Variants in GRIN2D observed in about 807,000 individuals in gnomAD.
The protein encoded by GRIN2D is glutamate receptor ionotropic, NMDA 2D.
A neutral mutation model predicts 103.2 loss-of-function variants in GRIN2D; 37 were observed. That is an observed-to-expected ratio of 0.36 (90% CI 0.28 to 0.47). The LOEUF is 0.47. Among genes scored for constraint, GRIN2D ranks in the 20% least tolerant of loss-of-function variants. The pLI, the probability that GRIN2D is intolerant of heterozygous loss-of-function variation, is 1.00. For synonymous variants in GRIN2D, 845 were observed against 885.6 expected (o/e 0.95, Z 0.81); for missense variants, 1,557 against 1,910.6 (o/e 0.81, Z 3.45).
intron 2 of GRIN2D, among the ~76,000 whole-genome samples, chr19:48,395,488 C>G (rs980424788): frequency 1.8e-4 from 28 of 151,812 alleles, no homozygotes; most frequent in Non-Finnish European, 3.7e-4. Context: ...GGGGAGAGAC[C>G]GATGTTGTGT....
In GRIN2D at chr19:48,394,601, C is replaced by G. The variant is rs1174999980; in HGVS notation, c.-305-57C>G. The stretch of plus-strand genomic sequence containing the variant: ...GGCGGAGGGGGGATCCCCACGGGGT[C>G]GGGGCGGCAAGAGGACACCCCGACA... On this transcript the variant is annotated intron_variant, in intron 1 of 13. Transcript: ENST00000263269. The surrounding 1 kb of genome is among the most constrained non-coding windows in gnomAD (Gnocchi z 5.1). 1.3e-5 allele frequency among the ~76,000 whole-genome samples: 2 copies of G among 151,214 alleles called. No homozygotes were observed. Among genetic ancestry groups the G allele is most frequent in the African/African-American group, 4.9e-5 (2 of 41,072 alleles).
intron 4 of GRIN2D, among the ~76,000 whole-genome samples, chr19:48,411,555 A>G (rs1600976192): frequency 6.6e-6 from 1 of 151,922 alleles, no homozygotes; most frequent in African/African-American, 2.4e-5. Flanking sequence ...AGGCTGAGGC[A>G]GGAGAATCGC....
chr19:48,399,702 T>C (rs1035225327), intron 3 of GRIN2D, among the ~76,000 whole-genome samples: 2 of 151,814 alleles, frequency 1.3e-5, no homozygotes, highest in Non-Finnish European at 2.9e-5. Context: ...GAGCATAGGG[T>C]CTAGAAGTCA....
chr19:48,400,215 A>C (rs1264643286), intron 3 of GRIN2D, among the ~76,000 whole-genome samples: 1 of 150,996 alleles, frequency 6.6e-6, no homozygotes, highest in East Asian at 2.0e-4. Flanking sequence ...TGCTCTGTGG[A>C]TTGAGAATGG....
At chr19:48,411,281 C>T (rs1361724548) in intron 4 of GRIN2D, among the ~76,000 whole-genome samples, 8 of 151,464 alleles carry the variant, frequency 5.3e-5, no homozygotes, top group Non-Finnish European at 8.8e-5. Flanking sequence ...GCCAAGATCA[C>T]GCCATTGCAC....
At chr19:48,416,270 C>A (rs1003913256) in intron 8 of GRIN2D, 115 bp downstream of exon 8, 1 of 808,916 alleles carries the variant, frequency 1.2e-6, no homozygotes, top group South Asian at 1.7e-5. Context: ...CTTGAACCCG[C>A]TGTGCAACTT....
intron 11 of GRIN2D, among the ~76,000 whole-genome samples, chr19:48,436,172 T>C (rs2147470155): frequency 6.6e-6 from 1 of 152,290 alleles, no homozygotes; most frequent in East Asian, 1.9e-4. Context: ...GGAGTTTTAT[T>C]ATCACTCACA....
At chr19:48,400,612 C>T (rs530456278) in intron 3 of GRIN2D, among the ~76,000 whole-genome samples, 4 of 152,188 alleles carry the variant, frequency 2.6e-5, no homozygotes, top group African/African-American at 4.8e-5. Context: ...GCTCAGTGTA[C>T]GCCCATAGCA....
In GRIN2D at chr19:48,393,750, C is replaced by G. The variant is rs577250570; in HGVS notation, c.-424C>G. Among the ~76,000 whole-genome samples the G allele has an allele frequency of 2.8e-4, 43 of 152,168 alleles. No homozygotes were observed. The highest frequency in any genetic ancestry group is 1.0e-3 in the African/African-American group (43 of 41,526). On this transcript the variant is annotated 5_prime_UTR_variant, in exon 1 of 14. Coordinates refer to ENST00000263269, the MANE Select transcript of GRIN2D (RefSeq NM_000836.4). The surrounding 1 kb of genome is among the most constrained non-coding windows in gnomAD (Gnocchi z 5.6). ...CAGCTCCTCCAAGCCGCGGCCGCCG[C>G]CGCCACCCTCGCCCGCAGCCTCCCG...
chr19:48,419,761 T>C lies in GRIN2D; in HGVS notation c.2038T>C (p.Phe680Leu). 6.2e-7 allele frequency: 1 copy of C among 1,613,776 alleles called. No homozygotes were observed. The highest frequency in any genetic ancestry group is 8.5e-7 in the Non-Finnish European group (1 of 1,179,956). ...CAGCTACACAGCCAACCTGGCCGCC[T>C]TCATGATCCAGGAGGAGTACGTGGA... is the stretch of plus-strand genomic sequence containing the variant. ...LASYTANLAAFMIQEEYVDTV... is the reference protein window; with the variant it reads ...LASYTANLAALMIQEEYVDTV... The change falls in exon 10 of 14, where the codon TTC (phenylalanine) becomes CTC (leucine). Residue 680 changes from phenylalanine (F) to leucine (L), a missense_variant. This residue lies in a region of GRIN2D where 138 missense variants were observed against 270.2 expected (regional missense o/e 0.51). Coordinates refer to ENST00000263269, the MANE Select transcript of GRIN2D (RefSeq NM_000836.4).
rs902393707 is a variant in GRIN2D, at chr19:48,394,025, C to G, written c.-306+157C>G. ...TGGGGCTCCCGCTCCTTCCCCCCGG[C>G]CCCCCCAAACCCAGATGGATGGTGT... On this transcript the variant is annotated intron_variant, in intron 1 of 13. Coordinates refer to ENST00000263269, the MANE Select transcript of GRIN2D (RefSeq NM_000836.4). This position sits in a 1 kb window ranked among gnomAD's most constrained non-coding sequence, Gnocchi z 5.1. 6.6e-6 allele frequency among the ~76,000 whole-genome samples: 1 copy of G among 151,968 alleles called. No homozygotes were observed. The highest frequency in any genetic ancestry group is 2.4e-5 in the African/African-American group (1 of 41,350).
chr19:48,420,077 T>A (rs1043595354), intron 10 of GRIN2D, among the ~76,000 whole-genome samples: 8 of 152,020 alleles, frequency 5.3e-5, no homozygotes, highest in African/African-American at 1.9e-4. Flanking sequence ...GGCAGTTGTG[T>A]CAAATAGGAT....
At chr19:48,433,198 T>C (rs929563443) in intron 11 of GRIN2D, among the ~76,000 whole-genome samples, 58 of 150,824 alleles carry the variant, frequency 3.8e-4, no homozygotes, top group African/African-American at 1.2e-3. Flanking sequence ...TGAAACCCCA[T>C]CTCTACTAAA....
chr19:48,406,351 G>A (rs1334611057), intron 4 of GRIN2D, among the ~76,000 whole-genome samples: 5 of 152,228 alleles, frequency 3.3e-5, no homozygotes, highest in African/African-American at 1.2e-4. Context: ...TTTAGAAGAG[G>A]CGAACAGAGT....
In GRIN2D at chr19:48,442,362, T is replaced by C; in HGVS notation, c.2653T>C (p.Phe885Leu). 6.2e-7 allele frequency: 1 copy of C among 1,612,346 alleles called. No homozygotes were observed. The change falls in exon 13 of 14, where the codon TTC becomes CTC. Residue 885 changes from phenylalanine (F) to leucine (L), a missense_variant. Phe to Leu is a conservative substitution (Grantham distance 22). This residue lies in a region of GRIN2D where 632 missense variants were observed against 572.8 expected (regional missense o/e 1.10). Transcript: ENST00000263269. This position sits in a 1 kb window ranked among gnomAD's most constrained non-coding sequence, Gnocchi z 7.2. ...HCLGPTHRMDFLLAFSRGMYS... is the reference protein window; with the variant it reads ...HCLGPTHRMDLLLAFSRGMYS... Reference sequence around the variant, plus strand: ...CCTGGGGCCCACCCACCGCATGGACTTCCTGCTGGCCTTCTCCAGGGTATG... The same window carrying C: ...CCTGGGGCCCACCCACCGCATGGACCTCCTGCTGGCCTTCTCCAGGGTATG...
chr19:48,411,946 A>G lies in GRIN2D; in HGVS notation c.1086-2045A>G, dbSNP rs114790393. On this transcript the variant is annotated intron_variant, in intron 4 of 13. Transcript: ENST00000263269. ...AGTGATTCACACCTGTAATCCCACTATGTTGGGAGGTTGAGGTGGGAGGAT... is the reference window on the plus strand; with the variant it reads ...AGTGATTCACACCTGTAATCCCACTGTGTTGGGAGGTTGAGGTGGGAGGAT... Among the ~76,000 whole-genome samples the G allele has an allele frequency of 5.2e-3, 792 of 151,786 alleles. 8 individuals are homozygous for G. The highest frequency in any genetic ancestry group is 0.018 in the African/African-American group (755 of 41,392).
chr19:48,425,695 C>T (rs1040104628), intron 11 of GRIN2D, among the ~76,000 whole-genome samples: 1 of 152,068 alleles, frequency 6.6e-6, no homozygotes, highest in Non-Finnish European at 1.5e-5. Flanking sequence ...ATTTTTTTTC[C>T]CATACAAATG....
At chr19:48,437,213 T>C (rs1971242899) in intron 11 of GRIN2D, among the ~76,000 whole-genome samples, 1 of 152,088 alleles carries the variant, frequency 6.6e-6, no homozygotes, top group Non-Finnish European at 1.5e-5. Context: ...CTCATCCTCC[T>C]ACCCTCAAGC....
At chr19:48,406,365 T>C (rs896582293) in intron 4 of GRIN2D, among the ~76,000 whole-genome samples, 3 of 152,160 alleles carry the variant, frequency 2.0e-5, no homozygotes, top group Admixed American at 6.5e-5. Context: ...ACAGAGTTTG[T>C]TGGAAAATAG....
Sources: gnomAD v4.1 joint callset for allele counts (sites outside exome capture counted in the v4.1 genomes callset) on GRCh38, gnomAD v4.1.1 for gene constraint, gnomAD v4.1.1 regional missense constraint, Gnocchi (gnomAD v3.1) non-coding constraint, MANE v1.5 for transcripts, NCBI Gene and HGNC (gene_info 2026-07-23, HGNC 2026-07-21) for gene names.